The following RSL1D1 variants were observed in gnomAD, a reference collection of about 807,000 sequenced individuals.
The protein encoded by RSL1D1 is ribosomal L1 domain-containing protein 1.
Under a neutral mutation model 44.6 loss-of-function variants are expected in RSL1D1, and 34 were observed. The observed-to-expected ratio is 0.76, with a 90% CI of 0.58 to 1.02. RSL1D1 has a LOEUF of 1.02. Among genes scored for constraint, RSL1D1 ranks in the 50% least tolerant of loss-of-function variants. The probability of loss-of-function intolerance (pLI) is 0.00; values close to 1 mark genes in which losing one functional copy is unlikely to be tolerated. For synonymous variants in RSL1D1, 271 were observed against 207.4 expected (o/e 1.31, Z -2.63); for missense variants, 767 against 568.1 (o/e 1.35, Z -3.56).
chr16:11,846,787 G>A lies in RSL1D1; in HGVS notation c.441C>T (p.Arg147=), dbSNP rs2053801846. Residue 147 remains arginine (R), a synonymous_variant, in exon 4 of 9, where the codon CGC becomes CGT. Coordinates refer to ENST00000571133, the MANE Select transcript of RSL1D1 (RefSeq NM_015659.3). ...KEYKSYEAKL[R]LLSSFDFFLT... The stretch of plus-strand genomic sequence containing the variant: ...GGAAGAAATCAAAACTGCTCAGAAG[G>A]CGGAGCTTGGCTTCATAGGATTTAT... The A allele has an allele frequency of 6.2e-7, 1 of 1,613,148 alleles. No individual in the cohort carries two copies. Among genetic ancestry groups the A allele is most frequent in the African/African-American group, 1.3e-5 (1 of 74,928 alleles).
intron 3 of RSL1D1, among the ~76,000 whole-genome samples, chr16:11,847,323 C>T (rs568134015): frequency 1.3e-5 from 2 of 151,978 alleles, no homozygotes; most frequent in South Asian, 2.1e-4. Context: ...TGCAGTGAGC[C>T]GAGGTCCTGC....
At chr16:11,851,259 G>A (rs1213276844) in intron 1 of RSL1D1, 149 bp downstream of exon 1, 3 of 748,832 alleles carry the variant, frequency 4.0e-6, no homozygotes, top group Non-Finnish European at 4.7e-6. Context: ...GTGTGTAAAG[G>A]GGAGAGACAG....
rs1332726145 is a variant in RSL1D1, at chr16:11,836,771, G to T, written c.*1016C>A. The T allele has an allele frequency of 6.6e-6, 1 of 152,152 alleles. No individual in the cohort carries two copies. Among genetic ancestry groups the T allele is most frequent in the Non-Finnish European group, 1.5e-5 (1 of 68,044 alleles). The allele number at this position is 152,152 out of a possible 1,614,324, so 9.4% of individuals were successfully genotyped here. A position where few individuals can be genotyped will look rare whatever the true frequency, so the allele number is the denominator to read the frequency against. ...CCAACAAGCTCAGCATGAAAGCCAA[G>T]AAACTTCTGTTTCTCCTAAATTCCG... On this transcript the variant is annotated 3_prime_UTR_variant, in exon 9 of 9. Coordinates refer to ENST00000571133, the MANE Select transcript of RSL1D1 (RefSeq NM_015659.3).
chr16:11,843,753 C>T (rs184410695), intron 5 of RSL1D1, among the ~76,000 whole-genome samples: 1 of 151,164 alleles, frequency 6.6e-6, no homozygotes, highest in African/African-American at 2.4e-5. Context: ...CGCCTATAGT[C>T]CCAGCTACTT....
chr16:11,843,989 T>G (rs762877412), intron 5 of RSL1D1, among the ~76,000 whole-genome samples: 2 of 149,994 alleles, frequency 1.3e-5, no homozygotes, highest in Middle Eastern at 3.3e-3. Flanking sequence ...AGAAGCCCAG[T>G]GGGAAGCCTG....
At chr16:11,843,137 G>A (rs1019928097) in intron 5 of RSL1D1, among the ~76,000 whole-genome samples, 1 of 147,036 alleles carries the variant, frequency 6.8e-6, no homozygotes, top group Non-Finnish European at 1.5e-5. Context: ...GTTTCTCCAT[G>A]TTGGTCAGGC....
At chr16:11,845,807 G>T (rs1250685667) in intron 5 of RSL1D1, among the ~76,000 whole-genome samples, 1 of 151,464 alleles carries the variant, frequency 6.6e-6, no homozygotes, top group African/African-American at 2.4e-5. Context: ...CTGCAGTCTT[G>T]ACCTTCTAGG....
At chr16:11,839,592 G>A in intron 8 of RSL1D1, 103 bp downstream of exon 8, 10 of 1,472,994 alleles carry the variant, frequency 6.8e-6, no homozygotes, top group Non-Finnish European at 9.0e-6. Flanking sequence ...AGTTCTTTGG[G>A]TTCACTCTAG....
At chr16:11,848,387 T>C (rs2053813747) in intron 2 of RSL1D1, among the ~76,000 whole-genome samples, 1 of 152,216 alleles carries the variant, frequency 6.6e-6, no homozygotes. Context: ...AATGCTTGCA[T>C]ATATAATTAT....
chr16:11,848,175 C>T (rs2053812605), intron 2 of RSL1D1, among the ~76,000 whole-genome samples: 1 of 152,150 alleles, frequency 6.6e-6, no homozygotes, highest in Non-Finnish European at 1.5e-5. Flanking sequence ...ATCGCTTCAA[C>T]CCGGAAGGTG....
intron 3 of RSL1D1, 140 bp downstream of exon 3, chr16:11,847,528 G>T: frequency 1.4e-6 from 1 of 711,136 alleles, no homozygotes; most frequent in Non-Finnish European, 2.4e-6. Context: ...AAAAGCTACT[G>T]ATGTACACGC....
chr16:11,846,926 G>C (rs1351356175), intron 3 of RSL1D1, 83 bp from the exon 4 acceptor site: 1 of 1,271,558 alleles, frequency 7.9e-7, no homozygotes. Context: ...ATTTGGATTT[G>C]GATTTAAAAA....
chr16:11,843,370 C>G (rs965302488), intron 5 of RSL1D1, among the ~76,000 whole-genome samples: 3 of 151,798 alleles, frequency 2.0e-5, no homozygotes, highest in African/African-American at 7.3e-5. Flanking sequence ...CATGCCCAGC[C>G]GAGGCAGTGA....
intron 7 of RSL1D1, among the ~76,000 whole-genome samples, chr16:11,840,322 CAG>C (rs984537825): frequency 1.3e-5 from 2 of 151,880 alleles, no homozygotes; most frequent in African/African-American, 4.9e-5. Context: ...TCACAGCACT[CAG>C]GGAGGCTGAG....
At chr16:11,850,491 A>C in intron 1 of RSL1D1, 73 bp from the exon 2 acceptor site, 1 of 1,491,800 alleles carries the variant, frequency 6.7e-7, no homozygotes, top group Non-Finnish European at 9.0e-7. Context: ...AAATGTTCTC[A>C]ATCTAATTTA....
Position 11,838,104 on chromosome 16 carries a change from G to T in RSL1D1, c.1156C>A (p.His386Asn). ...PANEKVEIQK[H>N]ATGKKSPAKS... Reference sequence around the variant, plus strand: ...GCTGGAGACTTCTTTCCTGTGGCATGTTTTTGAATCTAAGAAAAAAAAAAG... The same window carrying T: ...GCTGGAGACTTCTTTCCTGTGGCATTTTTTTGAATCTAAGAAAAAAAAAAG... Residue 386 changes from histidine (H) to asparagine (N), a missense_variant, in exon 9 of 9, where the codon CAT becomes AAT. Physicochemically the swap from His to Asn is moderately conservative, Grantham distance 68. Transcript: ENST00000571133. The T allele has an allele frequency of 6.4e-7, 1 of 1,558,122 alleles. No individual in the cohort carries two copies. The highest frequency in any genetic ancestry group is 8.6e-7 in the Non-Finnish European group (1 of 1,158,694).
intron 3 of RSL1D1, among the ~76,000 whole-genome samples, chr16:11,847,293 T>C (rs1048592727): frequency 1.3e-5 from 2 of 152,138 alleles, no homozygotes; most frequent in African/African-American, 4.8e-5. Flanking sequence ...GAGAATAGCT[T>C]GAACCTGGGA....
chr16:11,839,814 G>A lies in RSL1D1; in HGVS notation c.1027C>T (p.His343Tyr), dbSNP rs932513017. The A allele has an allele frequency of 1.2e-6, 2 of 1,613,872 alleles. No homozygotes were observed. Among genetic ancestry groups the A allele is most frequent in the Admixed American group, 3.3e-5 (2 of 59,978 alleles). Reference sequence around the variant, plus strand: ...CCTCTGCCACGTTTTTTCTTCCCATGCTCTGGGGTCTGTTCCTTCTTTGAT... The same window carrying A: ...CCTCTGCCACGTTTTTTCTTCCCATACTCTGGGGTCTGTTCCTTCTTTGAT... ...PESKKEQTPEHGKKKRGRGKA... is the reference protein window; with the variant it reads ...PESKKEQTPEYGKKKRGRGKA... Residue 343 changes from histidine (H) to tyrosine (Y), a missense_variant, in exon 8 of 9, where the codon CAT becomes TAT. By Grantham distance (83) the His-to-Tyr change is moderately conservative (BLOSUM62 2). Coordinates refer to ENST00000571133, the MANE Select transcript of RSL1D1 (RefSeq NM_015659.3).
intron 7 of RSL1D1, 119 bp from the exon 8 acceptor site, chr16:11,840,104 T>C (rs954119940): frequency 5.2e-5 from 73 of 1,411,730 alleles, no homozygotes; most frequent in South Asian, 1.4e-4. Flanking sequence ...CCTCGATCTA[T>C]ACAGAGAACA....
Sources: allele counts gnomAD v4.1 joint callset (sites outside exome capture counted in the v4.1 genomes callset), GRCh38; gene constraint gnomAD v4.1.1; transcripts MANE v1.5; gene names NCBI Gene and HGNC (gene_info 2026-07-23, HGNC 2026-07-21).